Variants in BDP1 observed in about 807,000 individuals in gnomAD.
BDP1 encodes the protein BDP1 general transcription factor IIIB subunit.
In BDP1, 169 loss-of-function variants were observed where a neutral mutation model predicts 266.6. The observed-to-expected ratio is 0.63, with a 90% CI of 0.56 to 0.72. The LOEUF is 0.72. Among genes scored for constraint, BDP1 ranks in the 30% least tolerant of loss-of-function variants. The probability of loss-of-function intolerance (pLI) is 0.00; values close to 1 mark genes in which losing one functional copy is unlikely to be tolerated. For synonymous variants in BDP1, 1,090 were observed against 1,022.4 expected (o/e 1.07, Z -1.26); for missense variants, 3,015 against 3,053.8 (o/e 0.99, Z 0.30).
Position 71,509,595 on chromosome 5 carries a change from G to C in BDP1, c.2503G>C (p.Glu835Gln). 6.2e-7 allele frequency: 1 copy of C among 1,613,976 alleles called. No homozygotes were observed. Among genetic ancestry groups the C allele is most frequent in the Non-Finnish European group, 8.5e-7 (1 of 1,180,000 alleles). The change falls in exon 17 of 39, where the codon GAG becomes CAG. Residue 835 changes from glutamate to glutamine, a missense_variant. Coordinates refer to ENST00000358731, the MANE Select transcript of BDP1 (RefSeq NM_018429.3). ...AATTTCCTCAAAGGAAGAGGTACTA[G>C]AGAAGATTCTTGTCTCTGGGGAAAT... ...REISSKEEVLEKILVSGEMAA... is the reference protein window; with the variant it reads ...REISSKEEVLQKILVSGEMAA...
the BDP1 span, among the ~76,000 whole-genome samples, chr5:71,575,660 C>G: frequency 2.0e-5 from 3 of 151,562 alleles, no homozygotes; most frequent in South Asian, 6.3e-4. Context: ...TTACTATACC[C>G]ATACATGAGA....
At chr5:71,548,882 C>A in intron 33 of BDP1, 137 bp downstream of exon 33, 1 of 672,518 alleles carries the variant, frequency 1.5e-6, no homozygotes, top group Non-Finnish European at 2.6e-6. Flanking sequence ...TATAGAAACA[C>A]CTTGAAGTAT....
At chr5:71,490,902 T>G in intron 10 of BDP1, 82 bp from the exon 11 acceptor site, 1 of 1,293,424 alleles carries the variant, frequency 7.7e-7, no homozygotes. Flanking sequence ...AGGAAAAGAG[T>G]GTTATAGGTA....
chr5:71,561,509 A>T (rs1469466143), intron 37 of BDP1, among the ~76,000 whole-genome samples: 1 of 152,230 alleles, frequency 6.6e-6, no homozygotes, highest in East Asian at 1.9e-4. Context: ...TGGCATTTGT[A>T]TATATTTTAG....
At chr5:71,516,373 C>G in intron 21 of BDP1, 102 bp downstream of exon 21, 1 of 836,084 alleles carries the variant, frequency 1.2e-6, no homozygotes, top group South Asian at 1.9e-5. Flanking sequence ...GACACTTATT[C>G]TACTCAATGA....
the BDP1 span, among the ~76,000 whole-genome samples, chr5:71,573,085 C>T: frequency 6.2e-4 from 94 of 152,020 alleles, no homozygotes; most frequent in African/African-American, 2.1e-3. Flanking sequence ...AAAAATTAGC[C>T]GGGCGTGGTG....
chr5:71,548,509 T>C (rs1180844057), intron 32 of BDP1, among the ~76,000 whole-genome samples, 173 bp from the exon 33 acceptor site: 1 of 152,252 alleles, frequency 6.6e-6, no homozygotes, highest in Non-Finnish European at 1.5e-5. Flanking sequence ...TATTAATATT[T>C]ATTTAAATGA....
At chr5:71,460,934 G>A (rs1439385605) in intron 2 of BDP1, among the ~76,000 whole-genome samples, 3 of 152,024 alleles carry the variant, frequency 2.0e-5, no homozygotes, top group Non-Finnish European at 4.4e-5. Flanking sequence ...TTAGTTAGAA[G>A]GCATCAGTAA....
At position 71,557,458 on chromosome 5, in the gene BDP1, C is replaced by T. The variant is rs569877030; in HGVS notation, c.7240+533C>T. ...GGAGTGCAGTGGTGCGATCTCGGCTCACTGCAAGTTCTGCCTCCTGGGCTC... is the reference window on the plus strand; with the variant it reads ...GGAGTGCAGTGGTGCGATCTCGGCTTACTGCAAGTTCTGCCTCCTGGGCTC... On this transcript the variant is annotated intron_variant, in intron 36 of 38. Transcript: ENST00000358731. Among the ~76,000 whole-genome samples, 3 of 142,090 alleles carry T rather than the reference C, an allele frequency of 2.1e-5. No homozygotes were observed. The East Asian group carries it at 6.5e-4, about 31-fold the overall frequency. The allele number at this position is 142,090 out of a possible 152,430, so 93.2% of individuals were successfully genotyped here. A position where few individuals can be genotyped will look rare whatever the true frequency, so the allele number is the denominator to read the frequency against.
At chr5:71,549,716 CTTAT>C (rs1742611431) in intron 34 of BDP1, 110 bp downstream of exon 34, 3 of 847,818 alleles carry the variant, frequency 3.5e-6, no homozygotes, top group Non-Finnish European at 1.7e-6. Flanking sequence ...TTGTGGAGAT[CTTAT>C]TTATCATTTA....
chr5:71,478,262 A>T (rs2059193), intron 7 of BDP1, among the ~76,000 whole-genome samples: 63,741 of 151,948 alleles, frequency 0.42, 13,705 homozygotes, highest in South Asian at 0.48. Context: ...AAACAAAAAC[A>T]AAAACAAGCA....
chr5:71,562,663 TC>T (rs1328320076), intron 38 of BDP1, 143 bp downstream of exon 38: 29 of 1,474,930 alleles, frequency 2.0e-5, no homozygotes, highest in Non-Finnish European at 2.6e-5. Context: ...TCCATCGTGT[TC>T]CTCCATAATG....
chr5:71,511,086 A>C lies in BDP1; in HGVS notation c.3994A>C (p.Thr1332Pro). Residue 1332 changes from threonine (T) to proline (P), a missense_variant, in exon 17 of 39, where the codon ACT (threonine) becomes CCT (proline). Physicochemically the swap from Thr to Pro is conservative, Grantham distance 38 (BLOSUM62 -1). Coordinates refer to ENST00000358731, the MANE Select transcript of BDP1 (RefSeq NM_018429.3). ...ELEETSTSRQ[T>P]DTHLMQSGSN... Reference sequence around the variant, plus strand: ...AGAGGAGACCAGTACCTCAAGACAAACTGACACACATTTAATGCAGAGCGG... The same window carrying C: ...AGAGGAGACCAGTACCTCAAGACAACCTGACACACATTTAATGCAGAGCGG... 2 of 1,614,148 alleles carry C rather than the reference A, an allele frequency of 1.2e-6. No homozygotes were observed. Among genetic ancestry groups the C allele is most frequent in the South Asian group, 2.2e-5 (2 of 91,084 alleles).
At chr5:71,525,054 A>G (rs1765717504) in intron 25 of BDP1, among the ~76,000 whole-genome samples, 1 of 152,130 alleles carries the variant, frequency 6.6e-6, no homozygotes, top group African/African-American at 2.4e-5. Flanking sequence ...AGACACGGCA[A>G]CCATCCGATT....
chr5:71,572,964 C>CA, the BDP1 span, among the ~76,000 whole-genome samples: 1 of 152,132 alleles, frequency 6.6e-6, no homozygotes, highest in Admixed American at 6.5e-5. Context: ...CATGGTGGCT[C>CA]ACGCCTGTAA....
chr5:71,523,791 A>T, intron 24 of BDP1, 148 bp from the exon 25 acceptor site: 3 of 756,010 alleles, frequency 4.0e-6, no homozygotes, highest in Middle Eastern at 4.2e-4. Flanking sequence ...TTCCTTTTTT[A>T]TTTTCACAGC....
In BDP1 at chr5:71,566,990, T is replaced by C. The variant is rs1744071401; in HGVS notation, c.*2105T>C. The C allele has an allele frequency of 6.6e-6, 1 of 152,212 alleles. No individual in the cohort carries two copies. Among genetic ancestry groups the C allele is most frequent in the South Asian group, 2.1e-4 (1 of 4,830 alleles). The allele number at this position is 152,212 out of a possible 1,614,324, so 9.4% of individuals were successfully genotyped here. On this transcript the variant is annotated 3_prime_UTR_variant, in exon 39 of 39. Transcript: ENST00000358731. Reference sequence around the variant, plus strand: ...CTGCTGTTAGAGCACTTCTTATTCATTGTCTTTTAGTGAAATTTATGGCGT... The same window carrying C: ...CTGCTGTTAGAGCACTTCTTATTCACTGTCTTTTAGTGAAATTTATGGCGT...
chr5:71,533,080 G>C (rs957358730), intron 26 of BDP1, among the ~76,000 whole-genome samples: 2 of 152,034 alleles, frequency 1.3e-5, no homozygotes, highest in East Asian at 1.9e-4. Flanking sequence ...ATTTTTTACT[G>C]TTCATCTATG....
chr5:71,484,392 G>A (rs1184466642), intron 8 of BDP1, among the ~76,000 whole-genome samples: 1 of 152,050 alleles, frequency 6.6e-6, no homozygotes, highest in Non-Finnish European at 1.5e-5. Flanking sequence ...TGATTGGATG[G>A]CGGAAGAAAT....
Sources: allele counts gnomAD v4.1 joint callset (sites outside exome capture counted in the v4.1 genomes callset), GRCh38; gene constraint gnomAD v4.1.1; transcripts MANE v1.5; gene names NCBI Gene and HGNC (gene_info 2026-07-23, HGNC 2026-07-21).